CNTNAP2: variants seen among roughly 807,000 people sequenced by gnomAD.
CNTNAP2 encodes the protein contactin-associated protein-like 2.
A neutral mutation model predicts 155.2 loss-of-function variants in CNTNAP2; 98 were observed. That is an observed-to-expected ratio of 0.63 (90% CI 0.54 to 0.75). CNTNAP2 has a LOEUF of 0.75. Ranked by LOEUF, CNTNAP2 falls within the 30% of genes least tolerant of loss-of-function variation. CNTNAP2 has a pLI of 0.00. For missense variants in CNTNAP2, 1,727 were observed against 1,688.1 expected, an observed-to-expected ratio of 1.02 and a Z score of -0.40; for synonymous variants, 651 against 631.2, an observed-to-expected ratio of 1.03 and a Z score of -0.47.
intron 8 of CNTNAP2, among the ~76,000 whole-genome samples, chr7:147,239,342 C>T (rs1231045499): frequency 6.6e-6 from 1 of 151,266 alleles, no homozygotes; most frequent in Non-Finnish European, 1.5e-5. Context: ...CCCGTCTCTA[C>T]TAAAAAAAAA....
intron 11 of CNTNAP2, among the ~76,000 whole-genome samples, chr7:147,516,283 C>A (rs939401961): frequency 2.6e-5 from 4 of 152,028 alleles, no homozygotes; most frequent in African/African-American, 7.2e-5. Flanking sequence ...GACAAAATTA[C>A]TCAGGCTCAA....
At chr7:147,493,105 G>A (rs749845658) in intron 11 of CNTNAP2, among the ~76,000 whole-genome samples, 8 of 151,954 alleles carry the variant, frequency 5.3e-5, no homozygotes, top group African/African-American at 1.2e-4. Context: ...AGTGTAAGTC[G>A]CATCTACTGA....
intron 15 of CNTNAP2, among the ~76,000 whole-genome samples, chr7:148,067,033 T>C (rs549665330): frequency 6.0e-4 from 91 of 152,360 alleles, no homozygotes; most frequent in Middle Eastern, 3.4e-3. Flanking sequence ...TTCTTTAAGT[T>C]GGTTTTCACC....
At chr7:147,604,021 G>A (rs1563017776) in intron 12 of CNTNAP2, among the ~76,000 whole-genome samples, 1 of 152,196 alleles carries the variant, frequency 6.6e-6, no homozygotes, top group South Asian at 2.1e-4. Flanking sequence ...CTAGCCATAT[G>A]TAGGAAGCTG....
At chr7:148,085,500 C>G (rs1269001312) in intron 15 of CNTNAP2, among the ~76,000 whole-genome samples, 1 of 152,136 alleles carries the variant, frequency 6.6e-6, no homozygotes, top group East Asian at 1.9e-4. Context: ...ACTAACCCCT[C>G]TAAGTGCTGT....
At chr7:146,235,981 C>T (rs1299171581) in intron 1 of CNTNAP2, among the ~76,000 whole-genome samples, 10 of 132,774 alleles carry the variant, frequency 7.5e-5, no homozygotes, top group Middle Eastern at 3.9e-3. Context: ...TGTGTGTGTG[C>T]GCGCGTATTT....
intron 1 of CNTNAP2, among the ~76,000 whole-genome samples, chr7:146,234,484 A>AT (rs56147141): frequency 0.19 from 29,048 of 151,496 alleles, 3,069 homozygotes; most frequent in East Asian, 0.3. Flanking sequence ...CCATTTGTCA[A>AT]TTTTGGCTTT....
chr7:148,115,089 A>C (rs1046403619), intron 15 of CNTNAP2, among the ~76,000 whole-genome samples: 1 of 152,236 alleles, frequency 6.6e-6, no homozygotes, highest in Admixed American at 6.5e-5. Context: ...TGTACAAGGC[A>C]TGACTTCCCC....
chr7:146,403,359 CTTTTA>C (rs1795741703), intron 1 of CNTNAP2, among the ~76,000 whole-genome samples: 1 of 151,930 alleles, frequency 6.6e-6, no homozygotes, highest in Non-Finnish European at 1.5e-5. Context: ...GGGTGGCTTC[CTTTTA>C]TTTTATTACA....
At chr7:148,078,773 G>C (rs1008621197) in intron 15 of CNTNAP2, among the ~76,000 whole-genome samples, 12 of 152,204 alleles carry the variant, frequency 7.9e-5, no homozygotes, top group African/African-American at 2.4e-4. Context: ...AAGCCATCAT[G>C]CCCAGCCTGA....
chr7:147,225,370 T>C (rs1046598874), intron 8 of CNTNAP2, among the ~76,000 whole-genome samples: 70 of 152,296 alleles, frequency 4.6e-4, no homozygotes, highest in Non-Finnish European at 8.2e-4. Context: ...AATATTTTCG[T>C]TCTAGCTAAA....
chr7:147,289,694 A>G (rs1432916069), intron 8 of CNTNAP2, among the ~76,000 whole-genome samples: 1 of 152,206 alleles, frequency 6.6e-6, no homozygotes, highest in Admixed American at 6.5e-5. Context: ...AGGAATCAGT[A>G]ATGGTTGAAA....
intron 2 of CNTNAP2, among the ~76,000 whole-genome samples, chr7:146,796,488 A>G (rs1802770949): frequency 6.6e-6 from 1 of 152,104 alleles, no homozygotes; most frequent in African/African-American, 2.4e-5. Context: ...CTCCTGGGGT[A>G]CTTTGGACCA....
intron 14 of CNTNAP2, among the ~76,000 whole-genome samples, chr7:147,956,709 T>C: frequency 6.6e-6 from 1 of 152,196 alleles, no homozygotes; most frequent in East Asian, 1.9e-4. Flanking sequence ...CAGGAAAAGC[T>C]GAATATACAG....
chr7:147,375,213 C>T (rs1796414750), intron 9 of CNTNAP2, among the ~76,000 whole-genome samples: 1 of 151,948 alleles, frequency 6.6e-6, no homozygotes, highest in Non-Finnish European at 1.5e-5. Flanking sequence ...GGCAGTTCTT[C>T]ATGGCTGTAT....
chr7:146,762,897 T>C (rs1472970532), intron 1 of CNTNAP2, among the ~76,000 whole-genome samples: 2 of 152,128 alleles, frequency 1.3e-5, no homozygotes, highest in Non-Finnish European at 2.9e-5. Flanking sequence ...GCCCCCATGA[T>C]TCAATTACCT....
intron 1 of CNTNAP2, among the ~76,000 whole-genome samples, chr7:146,737,097 AAATT>A (rs1198880878): frequency 3.3e-5 from 5 of 151,868 alleles, no homozygotes; most frequent in Non-Finnish European, 4.4e-5. Flanking sequence ...TCCAAAAAAT[AAATT>A]AAGAATGTTA....
intron 8 of CNTNAP2, among the ~76,000 whole-genome samples, chr7:147,297,902 C>T (rs1032051755): frequency 1.3e-5 from 2 of 152,042 alleles, no homozygotes; most frequent in Non-Finnish European, 2.9e-5. Context: ...ATATCTCTTC[C>T]GTGTACGTAT....
At chr7:147,753,930 A>G (rs1403065082) in intron 13 of CNTNAP2, among the ~76,000 whole-genome samples, 2 of 152,214 alleles carry the variant, frequency 1.3e-5, no homozygotes, top group African/African-American at 4.8e-5. Flanking sequence ...AATAGGAAAC[A>G]TAACATCAGT....
Sources: allele counts gnomAD v4.1 joint callset (sites outside exome capture counted in the v4.1 genomes callset), GRCh38; gene constraint gnomAD v4.1.1; transcripts MANE v1.5; gene names NCBI Gene and HGNC (gene_info 2026-07-23, HGNC 2026-07-21).